HAS2: variants seen among roughly 807,000 people sequenced by gnomAD.
HAS2 encodes the protein HA synthase 2.
A neutral mutation model predicts 51.6 loss-of-function variants in HAS2; 16 were observed. That is an observed-to-expected ratio of 0.31 (90% confidence interval 0.21 to 0.47). The LOEUF (loss-of-function observed/expected upper bound fraction) is 0.47. HAS2 is among the 20% of genes least tolerant of loss of function. The pLI is 1.00. For synonymous variants in HAS2, 228 were observed against 235.5 expected (o/e 0.97, Z 0.29); for missense variants, 361 against 662.6 (o/e 0.54, Z 5.00).
intron 2 of HAS2, among the ~76,000 whole-genome samples, chr8:121,622,147 T>C (rs1325770636): frequency 2.6e-5 from 4 of 151,924 alleles, no homozygotes; most frequent in East Asian, 1.9e-4. Flanking sequence ...CAAAAGTAAA[T>C]AGAAATTCTG....
At chr8:121,636,573 AT>A (rs1813012593) in intron 1 of HAS2, among the ~76,000 whole-genome samples, 1 of 152,102 alleles carries the variant, frequency 6.6e-6, no homozygotes, top group Non-Finnish European at 1.5e-5. Flanking sequence ...TAGGTTTCAG[AT>A]TTCTTTTCCT....
At chr8:121,633,916 T>G (rs1321462128) in intron 1 of HAS2, among the ~76,000 whole-genome samples, 1 of 144,318 alleles carries the variant, frequency 6.9e-6, no homozygotes, top group African/African-American at 2.9e-5. Context: ...TTTTGGGTTT[T>G]TTTTTTTTTT....
rs71573616 is a variant in HAS2, at chr8:121,641,158, C to CTTTTTTTTTTTTTT, written c.-320_-307dup. On this transcript the variant is annotated 5_prime_UTR_variant, in exon 1 of 4. Coordinates refer to ENST00000303924, the MANE Select transcript of HAS2 (RefSeq NM_005328.3). ...TAACTTTTCTTTTTTCTTTTCTTTT[C>CTTTTTTTTTTTTTT]TTTTTTTTTTTTTTTTTTTTTTGGG... 1.9e-4 allele frequency: 11 copies of CTTTTTTTTTTTTTT among 57,014 alleles called. No homozygotes were observed. The highest frequency in any genetic ancestry group is 8.2e-4 in the Admixed American group (3 of 3,658). The allele number at this position is 57,014 out of a possible 1,614,324, so 3.5% of individuals were successfully genotyped here.
intron 2 of HAS2, among the ~76,000 whole-genome samples, chr8:121,625,723 G>A (rs1208105772): frequency 8.2e-6 from 1 of 122,594 alleles, no homozygotes; most frequent in East Asian, 2.5e-4. Flanking sequence ...GTCTCCCTAA[G>A]TTGCTCAGGT....
chr8:121,613,740 G>A lies in HAS2; in HGVS notation c.*369C>T. ...TCTATCAAAACAGTCCATAAGTTAGGTTGTATAGGTTGAAAGAACTTTTCC... is the reference window on the plus strand; with the variant it reads ...TCTATCAAAACAGTCCATAAGTTAGATTGTATAGGTTGAAAGAACTTTTCC... On this transcript the variant is annotated 3_prime_UTR_variant, in exon 4 of 4. Coordinates refer to ENST00000303924, the MANE Select transcript of HAS2 (RefSeq NM_005328.3). The A allele has an allele frequency of 4.1e-6, 1 of 241,604 alleles. No homozygotes were observed. The allele number at this position is 241,604 out of a possible 1,614,324, so 15.0% of individuals were successfully genotyped here.
intron 1 of HAS2, among the ~76,000 whole-genome samples, chr8:121,636,190 A>C (rs755558846): frequency 6.6e-6 from 1 of 152,226 alleles, no homozygotes; most frequent in Non-Finnish European, 1.5e-5. Flanking sequence ...TTTGGCAACC[A>C]CTAGGTTAAA....
At chr8:121,640,419 C>T (rs1296519999) in intron 1 of HAS2, among the ~76,000 whole-genome samples, 2 of 74,388 alleles carry the variant, frequency 2.7e-5, no homozygotes, top group South Asian at 4.1e-4. Flanking sequence ...TTTCTCCCCA[C>T]AGTGTGTGTG....
chr8:121,617,465 G>A (rs181872534), intron 2 of HAS2, among the ~76,000 whole-genome samples: 512 of 152,164 alleles, frequency 3.4e-3, no homozygotes, highest in Non-Finnish European at 4.8e-3. Flanking sequence ...GACTTGTAGC[G>A]TGATCAACTT....
chr8:121,617,268 T>C (rs1812716202), intron 2 of HAS2, 62 bp from the exon 3 acceptor site: 1 of 980,388 alleles, frequency 1.0e-6, no homozygotes, highest in African/African-American at 1.6e-5. Context: ...ACATTCCCTG[T>C]AGTCAAAATT....
intron 2 of HAS2, among the ~76,000 whole-genome samples, chr8:121,626,609 A>C (rs6988781): frequency 0.034 from 5,217 of 152,154 alleles, 323 homozygotes; most frequent in African/African-American, 0.12. Context: ...CTTTTCCCTT[A>C]GTTGTCTTTC....
chr8:121,616,282 T>A (rs1812699693), intron 3 of HAS2, among the ~76,000 whole-genome samples: 1 of 152,142 alleles, frequency 6.6e-6, no homozygotes, highest in Non-Finnish European at 1.5e-5. Flanking sequence ...TTTGCCTTTC[T>A]CACTAGTATA....
chr8:121,619,013 T>C (rs1341707862), intron 2 of HAS2, among the ~76,000 whole-genome samples: 2 of 151,720 alleles, frequency 1.3e-5, no homozygotes, highest in Admixed American at 6.6e-5. Flanking sequence ...AGTCTCAGAA[T>C]TAAAGGAGAC....
intron 2 of HAS2, among the ~76,000 whole-genome samples, chr8:121,624,956 G>A (rs149347922): frequency 6.6e-6 from 1 of 152,174 alleles, no homozygotes; most frequent in East Asian, 1.9e-4. Flanking sequence ...AAATTAGCCA[G>A]GCGTGGTAGC....
At chr8:121,617,256 A>C (rs750177570) in intron 2 of HAS2, 50 bp from the exon 3 acceptor site, 2 of 1,113,376 alleles carry the variant, frequency 1.8e-6, no homozygotes, top group South Asian at 1.3e-5. Flanking sequence ...AGAACTATAA[A>C]TACATTCCCT....
rs71573616 is a variant in HAS2 at position 121,641,158 on chromosome 8, C to CTTTTTTTTTTTTTTTTTTTTTTT, written c.-307_-306insAAAAAAAAAAAAAAAAAAAAAAA. The CTTTTTTTTTTTTTTTTTTTTTTT allele has an allele frequency of 2.3e-3, 132 of 57,022 alleles. No homozygotes were observed. Among genetic ancestry groups the CTTTTTTTTTTTTTTTTTTTTTTT allele is most frequent in the Non-Finnish European group, 3.1e-3 (95 of 30,864 alleles). 3.5% of individuals were successfully genotyped at this position (57,022 alleles called of 1,614,324 possible). On this transcript the variant is annotated 5_prime_UTR_variant, in exon 1 of 4. Coordinates refer to ENST00000303924, the MANE Select transcript of HAS2 (RefSeq NM_005328.3). The stretch of plus-strand genomic sequence containing the variant: ...TAACTTTTCTTTTTTCTTTTCTTTT[C>CTTTTTTTTTTTTTTTTTTTTTTT]TTTTTTTTTTTTTTTTTTTTTTGGG...
intron 2 of HAS2, among the ~76,000 whole-genome samples, chr8:121,624,829 C>T (rs1812819301): frequency 6.6e-6 from 1 of 152,154 alleles, no homozygotes; most frequent in South Asian, 2.1e-4. Flanking sequence ...GGCGCAGTGG[C>T]TCACGCCTGT....
At chr8:121,633,067 G>A (rs574566580) in intron 1 of HAS2, among the ~76,000 whole-genome samples, 44 of 150,838 alleles carry the variant, frequency 2.9e-4, no homozygotes, top group African/African-American at 5.6e-4. Flanking sequence ...GCATTCTTTC[G>A]TTTCTGGCTA....
chr8:121,626,069 T>C (rs1177921756), intron 2 of HAS2, among the ~76,000 whole-genome samples: 1 of 152,150 alleles, frequency 6.6e-6, no homozygotes, highest in Non-Finnish European at 1.5e-5. Flanking sequence ...GTTAAAGCTT[T>C]ATTCCCAAGG....
rs750934464 is a variant in HAS2, at chr8:121,614,003, G to A, written c.*106C>T. On this transcript the variant is annotated 3_prime_UTR_variant, in exon 4 of 4. Transcript: ENST00000303924. The surrounding 1 kb of genome is among the most constrained non-coding windows in gnomAD (Gnocchi z 7.2). ...AAATGTCTTTGTTCAAGTCCCAGCAGCAGTGATATGTCTCCTTTGGTGGCA... is the reference window on the plus strand; with the variant it reads ...AAATGTCTTTGTTCAAGTCCCAGCAACAGTGATATGTCTCCTTTGGTGGCA... 26 of 1,566,834 alleles carry A rather than the reference G, an allele frequency of 1.7e-5. No individual in the cohort carries two copies. Among genetic ancestry groups the A allele is most frequent in the Non-Finnish European group, 2.2e-5 (25 of 1,147,292 alleles).
Sources: allele counts gnomAD v4.1 joint callset (sites outside exome capture counted in the v4.1 genomes callset), GRCh38; gene constraint gnomAD v4.1.1; non-coding constraint Gnocchi (gnomAD v3.1); transcripts MANE v1.5; gene names NCBI Gene and HGNC (gene_info 2026-07-23, HGNC 2026-07-21).